The following ZNF398 variants were observed in gnomAD, a reference collection of about 807,000 sequenced individuals.
The protein encoded by ZNF398 is zinc finger protein 398, also known as zinc finger DNA binding protein ZER6.
ZNF398 carries 18 observed loss-of-function variants against 41.9 expected under a neutral mutation model. The ratio of observed to expected loss-of-function variants is 0.43; its 90% CI spans 0.30 to 0.64. The LOEUF (loss-of-function observed/expected upper bound fraction) is 0.64. Among genes scored for constraint, ZNF398 ranks in the 30% least tolerant of loss-of-function variants. The pLI is 0.14. For synonymous variants in ZNF398, 260 were observed against 308.8 expected (o/e 0.84, Z 1.66); for missense variants, 669 against 822.8 (o/e 0.81, Z 2.29).
rs1374448588 is a variant in ZNF398, at chr7:149,181,718, C to T, written c.*1917C>T. On this transcript the variant is annotated 3_prime_UTR_variant, in exon 6 of 6. Coordinates refer to ENST00000475153, the MANE Select transcript of ZNF398 (RefSeq NM_170686.3). ...AAGAAATGTGTGTCTGCTGTCATAA[C>T]TTACAGTGAAAAAGCCCAATAATAC... 6.6e-6 allele frequency: 1 copy of T among 152,212 alleles called. No individual in the cohort carries two copies. Among genetic ancestry groups the T allele is most frequent in the East Asian group, 1.9e-4 (1 of 5,200 alleles). 9.4% of individuals were successfully genotyped at this position (152,212 alleles called of 1,614,324 possible). A position where few individuals can be genotyped will look rare whatever the true frequency, so the allele number is the denominator to read the frequency against.
chr7:149,146,676 C>T (rs1826949866), upstream of ZNF398, among the ~76,000 whole-genome samples: 1 of 151,940 alleles, frequency 6.6e-6, no homozygotes, highest in African/African-American at 2.4e-5. Context: ...TGGTGAAACC[C>T]CGTCTCCACT....
chr7:149,152,566 CTT>C (rs754663137), intron 1 of ZNF398, among the ~76,000 whole-genome samples: 5 of 134,876 alleles, frequency 3.7e-5, no homozygotes, highest in Admixed American at 7.5e-5. Context: ...GCCTAGATTT[CTT>C]TTTTTTTTTT....
chr7:149,165,042 C>T (rs555724149), intron 2 of ZNF398, among the ~76,000 whole-genome samples: 45 of 150,764 alleles, frequency 3.0e-4, no homozygotes, highest in Admixed American at 2.7e-3. Flanking sequence ...TGCAGTGAGA[C>T]GAGATCGCGC....
intron 4 of ZNF398, among the ~76,000 whole-genome samples, chr7:149,169,683 C>T (rs2078251401): frequency 6.6e-6 from 1 of 152,094 alleles, no homozygotes; most frequent in South Asian, 2.1e-4. Flanking sequence ...AACTCGTGAA[C>T]TCAAGTGATT....
rs1795534687 is a variant in ZNF398 at position 149,179,117 on chromosome 7, C to T, written c.1245C>T (p.Tyr415=). ...RTFTHPSRLT[Y]HLRVHNSTER... is the part of the protein sequence containing the mutation. ...TTACTCACCCATCAAGACTTACCTA[C>T]CATCTTCGGGTCCATAACAGCACTG... The change falls in exon 6 of 6, where the codon TAC becomes TAT. Residue 415 remains tyrosine, a synonymous_variant. Coordinates refer to ENST00000475153, the MANE Select transcript of ZNF398 (RefSeq NM_170686.3). This position sits in a 1 kb window ranked among gnomAD's most constrained non-coding sequence, Gnocchi z 6.1. 1 of 1,614,018 alleles carries T rather than the reference C, an allele frequency of 6.2e-7. No homozygotes were observed. Among genetic ancestry groups the T allele is most frequent in the Non-Finnish European group, 8.5e-7 (1 of 1,180,050 alleles).
chr7:149,132,745 G>A (rs1466278830), intron 2 of ZNF398, among the ~76,000 whole-genome samples: 1 of 152,146 alleles, frequency 6.6e-6, no homozygotes. Context: ...TACTGCACAA[G>A]TGGTTGGAAA....
chr7:149,146,287 C>T (rs1369049816), upstream of ZNF398, among the ~76,000 whole-genome samples: 1 of 152,120 alleles, frequency 6.6e-6, no homozygotes, highest in Non-Finnish European at 1.5e-5. Flanking sequence ...TAACCCCAAG[C>T]TCGATCTCTG....
intron 1 of ZNF398, among the ~76,000 whole-genome samples, chr7:149,128,441 C>T (rs1323462569): frequency 6.6e-6 from 1 of 152,028 alleles, no homozygotes; most frequent in Non-Finnish European, 1.5e-5. Flanking sequence ...CCTATTTAAA[C>T]CTTTAAAAGG....
chr7:149,172,055 T>C (rs1427439662), intron 4 of ZNF398, among the ~76,000 whole-genome samples: 1 of 152,160 alleles, frequency 6.6e-6, no homozygotes, highest in Non-Finnish European at 1.5e-5. Flanking sequence ...AGCACAAATA[T>C]AAACCTTTGT....
chr7:149,172,959 T>C (rs905506349), intron 4 of ZNF398, among the ~76,000 whole-genome samples: 1 of 152,184 alleles, frequency 6.6e-6, no homozygotes, highest in African/African-American at 2.4e-5. Context: ...AAAATATTGC[T>C]AAGAATCCTA....
chr7:149,137,169 T>C (rs997021290), intron 2 of ZNF398, among the ~76,000 whole-genome samples: 2 of 152,136 alleles, frequency 1.3e-5, no homozygotes, highest in Non-Finnish European at 1.5e-5. Flanking sequence ...GCCCGGCCCA[T>C]TGAATTGCTC....
At chr7:149,133,062 T>C (rs976468895) in intron 2 of ZNF398, among the ~76,000 whole-genome samples, 1 of 152,066 alleles carries the variant, frequency 6.6e-6, no homozygotes, top group Non-Finnish European at 1.5e-5. Flanking sequence ...GATTGCCATC[T>C]TGGTTTTGGT....
Position 149,166,829 on chromosome 7 carries a change from A to G in ZNF398, c.560A>G (p.Asn187Ser), listed in dbSNP as rs1188204607. 6.2e-6 allele frequency: 10 copies of G among 1,611,284 alleles called. No homozygotes were observed. Among genetic ancestry groups the G allele is most frequent in the Non-Finnish European group, 8.5e-6 (10 of 1,177,936 alleles). Reference protein sequence around the residue: ...ESLISMDYAINQPDVLSQIQP... With the variant: ...ESLISMDYAISQPDVLSQIQP... The stretch of plus-strand genomic sequence containing the variant: ...TTTCCTCTCCTAGATTATGCTATAA[A>G]TCAACCTGATGTCTTATCTCAGATT... The change falls in exon 4 of 6, where the codon AAT becomes AGT. Residue 187 changes from asparagine to serine, a missense_variant. Physicochemically the swap from Asn to Ser is conservative, Grantham distance 46. Coordinates refer to ENST00000475153, the MANE Select transcript of ZNF398 (RefSeq NM_170686.3).
chr7:149,146,675 C>T (rs1826949790), upstream of ZNF398, among the ~76,000 whole-genome samples: 2 of 151,980 alleles, frequency 1.3e-5, no homozygotes, highest in Non-Finnish European at 2.9e-5. Flanking sequence ...ATGGTGAAAC[C>T]CCGTCTCCAC....
rs776673581 is a variant in ZNF398, at chr7:149,178,915, G to A, written c.1043G>A (p.Cys348Tyr). ...VGEQVFSCHH[C>Y]GKNLSQDMLL... The stretch of plus-strand genomic sequence containing the variant: ...GAGCAGGTGTTCTCATGCCACCACT[G>A]TGGCAAGAATCTCAGCCAAGACATG... Residue 348 changes from cysteine to tyrosine, a missense_variant, in exon 6 of 6, where the codon TGT becomes TAT. By Grantham distance (194) the Cys-to-Tyr change is radical. Transcript: ENST00000475153. 6.2e-7 allele frequency: 1 copy of A among 1,614,146 alleles called. No individual in the cohort carries two copies. The highest frequency in any genetic ancestry group is 1.7e-5 in the Admixed American group (1 of 60,016).
At chr7:149,130,436 A>G (rs1366887308) in intron 2 of ZNF398, among the ~76,000 whole-genome samples, 1 of 152,182 alleles carries the variant, frequency 6.6e-6, no homozygotes, top group Non-Finnish European at 1.5e-5. Context: ...TGCTATAAAC[A>G]TTTGCATACA....
At chr7:149,157,925 C>T (rs1293871822) in intron 2 of ZNF398, among the ~76,000 whole-genome samples, 8 of 150,296 alleles carry the variant, frequency 5.3e-5, no homozygotes, top group Admixed American at 3.3e-4. Context: ...GCTGGGCCAG[C>T]GCCGTGGCTC....
intron 2 of ZNF398, among the ~76,000 whole-genome samples, chr7:149,158,845 AAAAG>A (rs1397019904): frequency 6.6e-6 from 1 of 151,984 alleles, no homozygotes; most frequent in Non-Finnish European, 1.5e-5. Context: ...AAAAAAAAAA[AAAAG>A]AAAATTAGTA....
rs528703910 is a variant in ZNF398 at position 149,173,785 on chromosome 7, C to CTTTT, written c.662-2661_662-2658dup. On this transcript the variant is annotated intron_variant, in intron 4 of 5. Transcript: ENST00000475153. The stretch of plus-strand genomic sequence containing the variant: ...CAGGCAGTGTAGATTTAGCATAATT[C>CTTTT]TTTTTTTTTTTTTTTTTTTTTTTTT... Among the ~76,000 whole-genome samples the CTTTT allele has an allele frequency of 1.4e-4, 10 of 71,594 alleles. No individual in the cohort carries two copies. The East Asian group carries it at 2.3e-3, about 17-fold the overall frequency. 47.0% of individuals were successfully genotyped at this position (71,594 alleles called of 152,430 possible). A position where few individuals can be genotyped will look rare whatever the true frequency, so the allele number is the denominator to read the frequency against.
Sources: gnomAD v4.1 joint callset for allele counts (sites outside exome capture counted in the v4.1 genomes callset) on GRCh38, gnomAD v4.1.1 for gene constraint, Gnocchi (gnomAD v3.1) non-coding constraint, MANE v1.5 for transcripts, NCBI Gene and HGNC (gene_info 2026-07-23, HGNC 2026-07-21) for gene names.